Variants in PDE6D observed in about 807,000 individuals in gnomAD.
PDE6D encodes the protein phosphodiesterase 6D, also known as retinal rod rhodopsin-sensitive cGMP 3',5'-cyclic phosphodiesterase subunit delta.
In PDE6D, 10 loss-of-function variants were observed where a neutral mutation model predicts 21.9. That is an observed-to-expected ratio of 0.46 (90% confidence interval 0.28 to 0.78). PDE6D has a LOEUF of 0.78. Among genes scored for constraint, PDE6D ranks in the 30% least tolerant of loss-of-function variants. The pLI is 0.12. For missense variants in PDE6D, 139 were observed against 184.8 expected, an observed-to-expected ratio of 0.75 and a Z score of 1.44; for synonymous variants, 59 against 63.5, an observed-to-expected ratio of 0.93 and a Z score of 0.34.
At chr2:231,762,935 C>CT (rs1377765930) in intron 1 of PDE6D, among the ~76,000 whole-genome samples, 5 of 149,910 alleles carry the variant, frequency 3.3e-5, no homozygotes, top group South Asian at 2.1e-4. Context: ...CCCATCTCTA[C>CT]TAAAAAAAAA....
intron 1 of PDE6D, among the ~76,000 whole-genome samples, chr2:231,755,249 C>T (rs57054209): frequency 0.04 from 5,672 of 140,100 alleles, 335 homozygotes; most frequent in African/African-American, 0.13. Context: ...TACAGCAGCC[C>T]GAAATGACAG....
In PDE6D at chr2:231,772,995, T is replaced by C. The variant is rs1014743419; in HGVS notation, c.50+8070A>G. ...GCTCACGTCTGTAATCCTAGCACTT[T>C]GGGAAGCCAAGGTGGGCAAATCACT... On this transcript the variant is annotated intron_variant, in intron 1 of 4. Coordinates refer to ENST00000287600, the MANE Select transcript of PDE6D (RefSeq NM_002601.4). Among the ~76,000 whole-genome samples, 14 of 152,176 alleles carry C rather than the reference T, an allele frequency of 9.2e-5. 1 individual carries two copies. The highest frequency in any genetic ancestry group is 3.4e-4 in the African/African-American group (14 of 41,444).
intron 1 of PDE6D, among the ~76,000 whole-genome samples, chr2:231,762,035 T>G (rs148064759): frequency 6.6e-6 from 1 of 152,314 alleles, no homozygotes; most frequent in Non-Finnish European, 1.5e-5. Flanking sequence ...AAATATACCA[T>G]GGAAATGGCC....
At position 231,780,958 on chromosome 2, in the gene PDE6D, C is replaced by G. The variant is rs1387068587; in HGVS notation, c.50+107G>C. 11 of 1,033,078 alleles carry G rather than the reference C, an allele frequency of 1.1e-5. No homozygotes were observed. In the East Asian group the frequency reaches 2.9e-4, roughly 27 times the overall value. 64.0% of individuals were successfully genotyped at this position (1,033,078 alleles called of 1,614,324 possible). ...TCCTTTCCTCTCCCCTCCCGCGGCCCTTCTTCTGTGGGGCCCACCTGGCGC... is the reference window on the plus strand; with the variant it reads ...TCCTTTCCTCTCCCCTCCCGCGGCCGTTCTTCTGTGGGGCCCACCTGGCGC... On this transcript the variant is annotated intron_variant, in intron 1 of 4. Coordinates refer to ENST00000287600, the MANE Select transcript of PDE6D (RefSeq NM_002601.4).
At chr2:231,736,840 G>A (rs2048706088) in intron 4 of PDE6D, among the ~76,000 whole-genome samples, 1 of 152,168 alleles carries the variant, frequency 6.6e-6, no homozygotes, top group Non-Finnish European at 1.5e-5. Context: ...TTACACCTCT[G>A]TAAGACAGAA....
intron 1 of PDE6D, among the ~76,000 whole-genome samples, chr2:231,771,113 C>T (rs1369654123): frequency 2.0e-5 from 3 of 150,436 alleles, no homozygotes; most frequent in African/African-American, 7.3e-5. Context: ...CTCTGCCTCC[C>T]GGGTTCAAGC....
At chr2:231,746,252 C>G (rs2048792880) in intron 1 of PDE6D, among the ~76,000 whole-genome samples, 1 of 152,136 alleles carries the variant, frequency 6.6e-6, no homozygotes, top group South Asian at 2.1e-4. Context: ...AGTGATTCTC[C>G]TGCCTCAGCA....
At chr2:231,760,087 G>A (rs901993513) in intron 1 of PDE6D, among the ~76,000 whole-genome samples, 1 of 152,146 alleles carries the variant, frequency 6.6e-6, no homozygotes, top group African/African-American at 2.4e-5. Flanking sequence ...ATGTAAATTA[G>A]CTGGAGCAAT....
chr2:231,736,027 CAA>C (rs1214326163), intron 4 of PDE6D, among the ~76,000 whole-genome samples: 28 of 87,388 alleles, frequency 3.2e-4, no homozygotes, highest in Admixed American at 4.8e-4. Context: ...GACTCTGTCT[CAA>C]AAAAAAAAAA....
chr2:231,759,350 A>T (rs1239269108), intron 1 of PDE6D, among the ~76,000 whole-genome samples: 1 of 152,086 alleles, frequency 6.6e-6, no homozygotes, highest in Non-Finnish European at 1.5e-5. Context: ...AAAGAGGAAA[A>T]AAAGGAAAAA....
At chr2:231,773,512 C>T (rs1238969527) in intron 1 of PDE6D, among the ~76,000 whole-genome samples, 1 of 152,202 alleles carries the variant, frequency 6.6e-6, no homozygotes, top group Non-Finnish European at 1.5e-5. Flanking sequence ...AGAAGTTCTA[C>T]AGTCGACTTT....
chr2:231,732,897 G>T lies in PDE6D; in HGVS notation c.*55C>A. The T allele has an allele frequency of 8.7e-7, 1 of 1,154,616 alleles. No homozygotes were observed. The highest frequency in any genetic ancestry group is 1.3e-6 in the Non-Finnish European group (1 of 768,560). 71.5% of individuals were successfully genotyped at this position (1,154,616 alleles called of 1,614,324 possible). A position where few individuals can be genotyped will look rare whatever the true frequency, so the allele number is the denominator to read the frequency against. On this transcript the variant is annotated 3_prime_UTR_variant, in exon 5 of 5. Coordinates refer to ENST00000287600, the MANE Select transcript of PDE6D (RefSeq NM_002601.4). ...AACGTGTGGAGGAAAAAAGTAAACA[G>T]TTTCCTCCTCCCTCCAAAAAACCCA...
chr2:231,749,824 G>A (rs1225966641), intron 1 of PDE6D, among the ~76,000 whole-genome samples: 8 of 152,070 alleles, frequency 5.3e-5, no homozygotes, highest in Non-Finnish European at 7.4e-5. Flanking sequence ...GTGAGCTACC[G>A]TGCCAGGCCT....
At chr2:231,744,032 C>CA (rs2048772207) in intron 1 of PDE6D, among the ~76,000 whole-genome samples, 1 of 152,182 alleles carries the variant, frequency 6.6e-6, no homozygotes, top group Admixed American at 6.5e-5. Flanking sequence ...ACATGGACAT[C>CA]AGACTTTCTT....
At chr2:231,744,305 A>G (rs549400081) in intron 1 of PDE6D, among the ~76,000 whole-genome samples, 8 of 152,372 alleles carry the variant, frequency 5.3e-5, no homozygotes, top group South Asian at 2.1e-4. Flanking sequence ...TCTATCTGGC[A>G]TTTAGTGAAT....
intron 1 of PDE6D, among the ~76,000 whole-genome samples, chr2:231,776,321 CA>C (rs1008155828): frequency 3.3e-3 from 181 of 54,052 alleles, no homozygotes; most frequent in East Asian, 4.0e-3. Flanking sequence ...GACTCCGTCT[CA>C]AAAAAAAAAA....
At chr2:231,743,343 G>C (rs1003107612) in intron 1 of PDE6D, among the ~76,000 whole-genome samples, 4 of 146,004 alleles carry the variant, frequency 2.7e-5, no homozygotes, top group African/African-American at 1.0e-4. Flanking sequence ...AGAATCGCTT[G>C]AACAGAGGAG....
intron 1 of PDE6D, among the ~76,000 whole-genome samples, chr2:231,743,428 CA>C (rs34916848): frequency 0.26 from 15,187 of 59,002 alleles, 731 homozygotes; most frequent in African/African-American, 0.41. Flanking sequence ...GATTCCGTCT[CA>C]AAAAAAAAAA....
intron 1 of PDE6D, among the ~76,000 whole-genome samples, chr2:231,760,825 T>C (rs2048919502): frequency 6.6e-6 from 1 of 152,140 alleles, no homozygotes; most frequent in Admixed American, 6.5e-5. Context: ...CCTTAATGGG[T>C]AAAAGGCAGA....
Sources: allele counts gnomAD v4.1 joint callset (sites outside exome capture counted in the v4.1 genomes callset), GRCh38; gene constraint gnomAD v4.1.1; transcripts MANE v1.5; gene names NCBI Gene and HGNC (gene_info 2026-07-23, HGNC 2026-07-21).